The following HCN1 variants were observed in gnomAD, a reference collection of about 807,000 sequenced individuals.
The protein encoded by HCN1 is potassium/sodium hyperpolarization-activated cyclic nucleotide-gated channel 1.
HCN1 carries 13 observed loss-of-function variants against 78.9 expected under a neutral mutation model. The observed-to-expected ratio is 0.16, with a 90% CI of 0.11 to 0.26. The LOEUF is 0.26. Ranked by LOEUF, HCN1 falls within the 10% of genes least tolerant of loss-of-function variation. The pLI, the probability that HCN1 is intolerant of heterozygous loss-of-function variation, is 1.00. For synonymous variants in HCN1, 552 were observed against 455.5 expected, an observed-to-expected ratio of 1.21 and a Z score of -2.70; for missense variants, 810 against 1,154.3, an observed-to-expected ratio of 0.70 and a Z score of 4.32.
At chr5:45,625,301 T>TCAAAACAAAA (rs72161613) in intron 2 of HCN1, among the ~76,000 whole-genome samples, 26 of 151,502 alleles carry the variant, frequency 1.7e-4, no homozygotes, top group African/African-American at 5.6e-4. Flanking sequence ...AGACTCTGTC[T>TCAAAACAAAA]CAAAACAAAA....
chr5:45,297,936 G>A (rs749056009), intron 6 of HCN1, among the ~76,000 whole-genome samples: 7 of 151,520 alleles, frequency 4.6e-5, no homozygotes, highest in Non-Finnish European at 8.8e-5. Flanking sequence ...AAAACTTTTA[G>A]AAAAGCTGTA....
intron 1 of HCN1, among the ~76,000 whole-genome samples, chr5:45,692,506 T>C (rs537750865): frequency 2.1e-4 from 32 of 152,296 alleles, no homozygotes; most frequent in African/African-American, 7.2e-4. Context: ...CATGAGCTTG[T>C]TGTGTTTACT....
chr5:45,489,674 G>A (rs1207097370), intron 2 of HCN1, among the ~76,000 whole-genome samples: 1 of 152,088 alleles, frequency 6.6e-6, no homozygotes, highest in African/African-American at 2.4e-5. Context: ...TATTTAGCAT[G>A]GTCAGCTTAT....
At chr5:45,628,049 G>A (rs952196566) in intron 2 of HCN1, among the ~76,000 whole-genome samples, 3 of 152,180 alleles carry the variant, frequency 2.0e-5, no homozygotes, top group Non-Finnish European at 2.9e-5. Context: ...TTCCACACCA[G>A]AGTAGAGAAC....
chr5:45,319,504 A>G (rs988637987), intron 5 of HCN1, among the ~76,000 whole-genome samples: 1 of 151,824 alleles, frequency 6.6e-6, no homozygotes, highest in Admixed American at 6.6e-5. Context: ...GATCAGATGA[A>G]TAGCCTGTTT....
intron 3 of HCN1, among the ~76,000 whole-genome samples, chr5:45,420,730 ACAC>A (rs1740209891): frequency 2.0e-5 from 3 of 152,160 alleles, no homozygotes; most frequent in Admixed American, 2.0e-4. Context: ...AAACACACAC[ACAC>A]CATTTACTCC....
intron 2 of HCN1, among the ~76,000 whole-genome samples, chr5:45,598,819 A>G (rs545769713): frequency 6.6e-6 from 1 of 152,370 alleles, no homozygotes; most frequent in South Asian, 2.1e-4. Flanking sequence ...ACAAATGCTC[A>G]TCATCACTGG....
intron 2 of HCN1, among the ~76,000 whole-genome samples, chr5:45,595,137 A>T (rs1176278735): frequency 6.6e-6 from 1 of 152,202 alleles, no homozygotes; most frequent in East Asian, 1.9e-4. Flanking sequence ...TGAAATGCAG[A>T]TATATACAGT....
At chr5:45,487,968 T>G (rs1036534312) in intron 2 of HCN1, among the ~76,000 whole-genome samples, 9 of 152,116 alleles carry the variant, frequency 5.9e-5, no homozygotes, top group African/African-American at 1.9e-4. Context: ...TTATGAGAAG[T>G]TGAACTACAC....
At chr5:45,539,582 G>A (rs937482420) in intron 2 of HCN1, among the ~76,000 whole-genome samples, 2 of 150,674 alleles carry the variant, frequency 1.3e-5, no homozygotes, top group East Asian at 2.0e-4. Flanking sequence ...GGAGAATGGC[G>A]TGAACCCGGG....
At chr5:45,467,961 A>T (rs1741311736) in intron 2 of HCN1, among the ~76,000 whole-genome samples, 1 of 151,990 alleles carries the variant, frequency 6.6e-6, no homozygotes, top group African/African-American at 2.4e-5. Context: ...ACACAGAGAG[A>T]GCTGGCCTGC....
At chr5:45,288,516 C>A (rs1745311611) in intron 6 of HCN1, among the ~76,000 whole-genome samples, 1 of 151,952 alleles carries the variant, frequency 6.6e-6, no homozygotes, top group Non-Finnish European at 1.5e-5. Flanking sequence ...TGATTCTGAG[C>A]CCCTGGGTGT....
chr5:45,422,461 C>T (rs113405314), intron 3 of HCN1, among the ~76,000 whole-genome samples: 12 of 152,026 alleles, frequency 7.9e-5, no homozygotes, highest in African/African-American at 2.4e-4. Context: ...GAGCCTCTAC[C>T]CTCATAACTC....
At chr5:45,658,660 G>C (rs1176454156) in intron 1 of HCN1, among the ~76,000 whole-genome samples, 3 of 151,600 alleles carry the variant, frequency 2.0e-5, no homozygotes, top group Admixed American at 6.6e-5. Flanking sequence ...AGGGGTCAGG[G>C]AGTTCCCTTT....
intron 3 of HCN1, among the ~76,000 whole-genome samples, chr5:45,457,772 C>T (rs1329533704): frequency 6.6e-6 from 1 of 152,096 alleles, no homozygotes; most frequent in Non-Finnish European, 1.5e-5. Context: ...AAAGGGCCAG[C>T]AATCACATGT....
chr5:45,405,942 A>C (rs1467001849), intron 3 of HCN1, among the ~76,000 whole-genome samples: 1 of 152,166 alleles, frequency 6.6e-6, no homozygotes, highest in Non-Finnish European at 1.5e-5. Context: ...TCTTGCTTCA[A>C]GAATGATGAT....
intron 2 of HCN1, among the ~76,000 whole-genome samples, chr5:45,582,099 A>C (rs1309333872): frequency 6.6e-6 from 1 of 152,108 alleles, no homozygotes; most frequent in Non-Finnish European, 1.5e-5. Context: ...TGAATCTATA[A>C]ATTACCTTGG....
chr5:45,688,518 C>A (rs1475663109), intron 1 of HCN1, among the ~76,000 whole-genome samples: 1 of 152,082 alleles, frequency 6.6e-6, no homozygotes, highest in Non-Finnish European at 1.5e-5. Context: ...TCATTGCTTT[C>A]ATCTGAATTT....
At chr5:45,303,463 T>G in intron 6 of HCN1, 136 bp downstream of exon 6, 2 of 817,522 alleles carry the variant, frequency 2.4e-6, no homozygotes, top group Non-Finnish European at 4.1e-6. Flanking sequence ...AACACTGTTA[T>G]AGACACTTTT....
Sources: allele counts gnomAD v4.1 joint callset (sites outside exome capture counted in the v4.1 genomes callset), GRCh38; gene constraint gnomAD v4.1.1; transcripts MANE v1.5; gene names NCBI Gene and HGNC (gene_info 2026-07-23, HGNC 2026-07-21).